The following GRIN2A variants were observed in gnomAD, a reference collection of about 807,000 sequenced individuals.
The protein encoded by GRIN2A is glutamate receptor ionotropic, NMDA 2A.
GRIN2A carries 22 observed loss-of-function variants against 113.4 expected under a neutral mutation model. The observed-to-expected ratio is 0.19, with a 90% CI of 0.14 to 0.28. The LOEUF is 0.28. Ranked by LOEUF, GRIN2A falls within the 10% of genes least tolerant of loss-of-function variation. The pLI is 1.00. For synonymous variants in GRIN2A, 827 were observed against 738.4 expected, an observed-to-expected ratio of 1.12 and a Z score of -1.94; for missense variants, 1,502 against 1,887.0, an observed-to-expected ratio of 0.80 and a Z score of 3.78.
At chr16:10,056,716 A>T (rs1356877039) in intron 2 of GRIN2A, among the ~76,000 whole-genome samples, 1 of 152,146 alleles carries the variant, frequency 6.6e-6, no homozygotes, top group African/African-American at 2.4e-5. Flanking sequence ...GACTAGAATG[A>T]TGTACCTACA....
In GRIN2A at chr16:9,840,990, G is replaced by T. The variant is rs2141345090; in HGVS notation, c.1443C>A (p.Thr481=). Residue 481 remains threonine (T), a synonymous_variant, in exon 6 of 13, where the codon ACC becomes ACA. Coordinates refer to ENST00000330684, the MANE Select transcript of GRIN2A (RefSeq NM_001134407.3). ...TAACTTTCTTGCCATGCTTCCCATT[G>T]GTCACCAGATAGAGGTCGTAAGTAA... ...VKFTYDLYLV[T]NGKHGKKVNN... is the part of the protein sequence containing the mutation. 1.9e-6 allele frequency: 3 copies of T among 1,613,614 alleles called. No homozygotes were observed. Among genetic ancestry groups the T allele is most frequent in the Non-Finnish European group, 2.5e-6 (3 of 1,179,642 alleles).
intron 2 of GRIN2A, among the ~76,000 whole-genome samples, chr16:10,093,960 G>A (rs17683096): frequency 0.2 from 30,396 of 152,112 alleles, 3,460 homozygotes; most frequent in East Asian, 0.44. Context: ...AACCCAAAGA[G>A]AACTGATGCA....
intron 2 of GRIN2A, among the ~76,000 whole-genome samples, chr16:10,139,174 G>C (rs781305934): frequency 6.6e-6 from 1 of 152,178 alleles, no homozygotes; most frequent in African/African-American, 2.4e-5. Context: ...TTCTTCCTGA[G>C]ACCTAGGGGT....
At chr16:10,053,634 G>T (rs575825135) in intron 2 of GRIN2A, among the ~76,000 whole-genome samples, 1 of 152,210 alleles carries the variant, frequency 6.6e-6, no homozygotes, top group Non-Finnish European at 1.5e-5. Context: ...GGAGAAAATG[G>T]AGCCAGGATT....
At chr16:9,985,627 G>T (rs947192544) in intron 2 of GRIN2A, among the ~76,000 whole-genome samples, 5 of 150,940 alleles carry the variant, frequency 3.3e-5, no homozygotes, top group Non-Finnish European at 5.9e-5. Context: ...ATTTGTGAGA[G>T]CTAAAAAAAA....
intron 3 of GRIN2A, among the ~76,000 whole-genome samples, chr16:9,924,290 C>T (rs904095418): frequency 6.6e-6 from 1 of 152,000 alleles, no homozygotes; most frequent in African/African-American, 2.4e-5. Flanking sequence ...CTAATTCTTC[C>T]AGTTATTCTA....
intron 2 of GRIN2A, among the ~76,000 whole-genome samples, chr16:10,170,046 T>C (rs2050008700): frequency 1.3e-5 from 2 of 152,168 alleles, no homozygotes; most frequent in South Asian, 2.1e-4. Flanking sequence ...CATAAATGTA[T>C]GAATCACCCT....
chr16:9,955,900 T>A (rs924692760), intron 2 of GRIN2A, among the ~76,000 whole-genome samples: 6 of 152,182 alleles, frequency 3.9e-5, no homozygotes, highest in African/African-American at 1.4e-4. Context: ...TCAGGCTGTA[T>A]CACCTTTGGG....
rs114302584 is a variant in GRIN2A at position 9,988,167 on chromosome 16, C to T, written c.415-49616G>A. On this transcript the variant is annotated intron_variant, in intron 2 of 12. Transcript: ENST00000330684. ...AGAGAAGTAGGAGCCTGCATCACTACAGTTGATGTCAGGGGCAGGAATCAA... is the reference window on the plus strand; with the variant it reads ...AGAGAAGTAGGAGCCTGCATCACTATAGTTGATGTCAGGGGCAGGAATCAA... Among the ~76,000 whole-genome samples the T allele has an allele frequency of 3.7e-3, 564 of 152,122 alleles. 7 individuals carry two copies. The highest frequency in any genetic ancestry group is 0.013 in the African/African-American group (520 of 41,508).
Position 10,102,384 on chromosome 16 carries a change from C to T in GRIN2A, c.414+77614G>A, listed in dbSNP as rs534112121. ...CATGCGATATGCTACCCCCCTTTCA[C>T]CTTCCACCATGATTGGAAGCCTCCT... is the stretch of plus-strand genomic sequence containing the variant. On this transcript the variant is annotated intron_variant, in intron 2 of 12. Coordinates refer to ENST00000330684, the MANE Select transcript of GRIN2A (RefSeq NM_001134407.3). 3.3e-5 allele frequency among the ~76,000 whole-genome samples: 5 copies of T among 152,310 alleles called. No homozygotes were observed. The East Asian group carries it at 9.6e-4, about 29-fold the overall frequency.
At chr16:9,970,739 C>G (rs1376519995) in intron 2 of GRIN2A, 1 of 967,398 alleles carries the variant, frequency 1.0e-6, no homozygotes, top group East Asian at 1.1e-4. Context: ...GCAGAGTCCC[C>G]TACCTTAAGA....
At position 9,831,151 on chromosome 16, in the gene GRIN2A, C is replaced by G. The variant is rs143981529; in HGVS notation, c.1778-1499G>C. 6.6e-3 allele frequency among the ~76,000 whole-genome samples: 1,007 copies of G among 152,272 alleles called. 7 individuals are homozygous for G. Among genetic ancestry groups the G allele is most frequent in the African/African-American group, 0.022 (929 of 41,552 alleles). On this transcript the variant is annotated intron_variant, in intron 8 of 12. Transcript: ENST00000330684. ...GTTGCCACAGCAGATGAGCTGGAAACAGAGAGCCTGGAGAGAATGGAAGGG... is the reference window on the plus strand; with the variant it reads ...GTTGCCACAGCAGATGAGCTGGAAAGAGAGAGCCTGGAGAGAATGGAAGGG...
chr16:10,164,608 G>C (rs1320460552), intron 2 of GRIN2A, among the ~76,000 whole-genome samples: 2 of 152,202 alleles, frequency 1.3e-5, no homozygotes, highest in African/African-American at 2.4e-5. Flanking sequence ...CTGATACAGA[G>C]ACAATGGGTG....
chr16:10,025,575 T>TA (rs1191676591), intron 2 of GRIN2A, among the ~76,000 whole-genome samples: 8 of 152,150 alleles, frequency 5.3e-5, no homozygotes, highest in Non-Finnish European at 1.2e-4. Context: ...GTGCTGGAAT[T>TA]ATAGGCGTGA....
chr16:10,125,282 G>A (rs555470945), intron 2 of GRIN2A, among the ~76,000 whole-genome samples: 2 of 152,290 alleles, frequency 1.3e-5, no homozygotes, highest in African/African-American at 4.8e-5. Context: ...ACACCAGTAC[G>A]GGATTTTTTC....
chr16:9,999,690 T>C (rs1486689451), intron 2 of GRIN2A, among the ~76,000 whole-genome samples: 1 of 151,994 alleles, frequency 6.6e-6, no homozygotes, highest in Non-Finnish European at 1.5e-5. Context: ...GCATACCTCT[T>C]TAACAAAACT....
At position 9,760,240 on chromosome 16, in the gene GRIN2A, C is replaced by T. The variant is rs1474324408; in HGVS notation, c.*2909G>A. Reference sequence around the variant, plus strand: ...GCTTCCTATTTAATTCTTGTTACTTCTCATACTGTGGGTTCCATTTACCAC... The same window carrying T: ...GCTTCCTATTTAATTCTTGTTACTTTTCATACTGTGGGTTCCATTTACCAC... On this transcript the variant is annotated 3_prime_UTR_variant, in exon 13 of 13. Coordinates refer to ENST00000330684, the MANE Select transcript of GRIN2A (RefSeq NM_001134407.3). 4.4e-6 allele frequency: 1 copy of T among 228,482 alleles called. No individual in the cohort carries two copies. The highest frequency in any genetic ancestry group is 6.3e-5 in the East Asian group (1 of 15,926). 14.2% of individuals were successfully genotyped at this position (228,482 alleles called of 1,614,324 possible). A position where few individuals can be genotyped will look rare whatever the true frequency, so the allele number is the denominator to read the frequency against.
In GRIN2A at chr16:9,849,791, C is replaced by A; in HGVS notation, c.1293G>T (p.Arg431Ser). 6.2e-7 allele frequency: 1 copy of A among 1,614,084 alleles called. No individual in the cohort carries two copies. Among genetic ancestry groups the A allele is most frequent in the Non-Finnish European group, 8.5e-7 (1 of 1,179,980 alleles). Residue 431 changes from arginine (R) to serine (S), a missense_variant, in exon 5 of 13, where the codon AGG (arginine) becomes AGT (serine). By Grantham distance (110) the Arg-to-Ser change is moderately radical. Around this residue, in one of 7 missense-constraint regions of GRIN2A, gnomAD observed 334 missense variants for 403.0 expected, o/e 0.83. Coordinates refer to ENST00000330684, the MANE Select transcript of GRIN2A (RefSeq NM_001134407.3). ...DIDPLTETCV[R>S]NTVPCRKFVK... Reference sequence around the variant, plus strand: ...CGAACTTCCGACATGGCACGGTGTTCCTCACACACGTCTCGGTCAGGGGGT... The same window carrying A: ...CGAACTTCCGACATGGCACGGTGTTACTCACACACGTCTCGGTCAGGGGGT...
chr16:9,999,145 G>A (rs1414853023), intron 2 of GRIN2A, among the ~76,000 whole-genome samples: 3 of 152,160 alleles, frequency 2.0e-5, no homozygotes, highest in Admixed American at 1.3e-4. Context: ...GGCCCAAGAA[G>A]GATGTTCTTA....
Sources: allele counts gnomAD v4.1 joint callset (sites outside exome capture counted in the v4.1 genomes callset), GRCh38; gene constraint gnomAD v4.1.1; regional missense constraint gnomAD v4.1.1; transcripts MANE v1.5; gene names NCBI Gene and HGNC (gene_info 2026-07-23, HGNC 2026-07-21).